TRABD2B: variants seen among roughly 807,000 people sequenced by gnomAD.
TRABD2B encodes TraB domain containing 2B.
TRABD2B carries 14 observed loss-of-function variants against 40.1 expected under a neutral mutation model. The ratio of observed to expected loss-of-function variants is 0.35; its 90% CI spans 0.23 to 0.55. The LOEUF is 0.55. Ranked by LOEUF, TRABD2B falls within the 20% of genes least tolerant of loss-of-function variation. The probability of loss-of-function intolerance (pLI) is 0.90; values close to 1 mark genes in which losing one functional copy is unlikely to be tolerated. For synonymous variants in TRABD2B, 263 were observed against 277.0 expected (o/e 0.95, Z 0.50); for missense variants, 541 against 648.6 (o/e 0.83, Z 1.80).
chr1:47,957,424 G>C (rs1645440732), intron 2 of TRABD2B, among the ~76,000 whole-genome samples: 1 of 152,150 alleles, frequency 6.6e-6, no homozygotes, highest in Non-Finnish European at 1.5e-5. Flanking sequence ...CCGAGCTAAA[G>C]GAGGATGATT....
rs191148440 is a variant in TRABD2B, at chr1:47,810,587, G to C, written c.667-8968C>G. 1.0e-3 allele frequency among the ~76,000 whole-genome samples: 158 copies of C among 152,326 alleles called. 1 individual carries two copies. The highest frequency in any genetic ancestry group is 3.6e-3 in the African/African-American group (151 of 41,568). On this transcript the variant is annotated intron_variant, in intron 2 of 6. Transcript: ENST00000606738. Reference sequence around the variant, plus strand: ...AGGCGACGGACCTGTGTTAGGCAGGGACCCAACAGCAACCAGGTGGCACAC... The same window carrying C: ...AGGCGACGGACCTGTGTTAGGCAGGCACCCAACAGCAACCAGGTGGCACAC...
chr1:47,972,696 T>A (rs1645698778), intron 2 of TRABD2B, among the ~76,000 whole-genome samples: 1 of 152,216 alleles, frequency 6.6e-6, no homozygotes, highest in Non-Finnish European at 1.5e-5. Flanking sequence ...TGGTACTTTG[T>A]TACAGCAGCC....
intron 6 of TRABD2B, among the ~76,000 whole-genome samples, chr1:47,772,675 C>T (rs1266672910): frequency 6.6e-6 from 1 of 152,096 alleles, no homozygotes; most frequent in Non-Finnish European, 1.5e-5. Flanking sequence ...TATCAGTGGG[C>T]CCCAGGTCAC....
At chr1:47,853,935 G>T (rs187302074) in intron 2 of TRABD2B, among the ~76,000 whole-genome samples, 2 of 152,296 alleles carry the variant, frequency 1.3e-5, no homozygotes, top group East Asian at 1.9e-4. Flanking sequence ...GGCTCCCACT[G>T]CCTGCAGCAG....
At chr1:47,895,747 G>T (rs1457669679) in intron 2 of TRABD2B, among the ~76,000 whole-genome samples, 2 of 152,254 alleles carry the variant, frequency 1.3e-5, no homozygotes, top group African/African-American at 4.8e-5. Context: ...GCCCTTGGGT[G>T]ATCCTCTGGG....
chr1:47,796,613 T>C (rs1338317218), intron 3 of TRABD2B, among the ~76,000 whole-genome samples: 1 of 152,168 alleles, frequency 6.6e-6, no homozygotes, highest in Non-Finnish European at 1.5e-5. Flanking sequence ...GAGGTAAAGG[T>C]ACATGCACCA....
At chr1:47,873,071 G>A (rs57946153) in intron 2 of TRABD2B, among the ~76,000 whole-genome samples, 2 of 152,110 alleles carry the variant, frequency 1.3e-5, no homozygotes, top group Non-Finnish European at 2.9e-5. Context: ...TGGTGGAAGG[G>A]GCTAGCTAGC....
chr1:47,946,840 CTG>C (rs1645265978), intron 2 of TRABD2B, among the ~76,000 whole-genome samples: 1 of 151,960 alleles, frequency 6.6e-6, no homozygotes, highest in Non-Finnish European at 1.5e-5. Context: ...TCTTTTTCAT[CTG>C]TGTTACTAGT....
rs541055067 is a variant in TRABD2B at position 47,846,899 on chromosome 1, T to C, written c.667-45280A>G. Among the ~76,000 whole-genome samples, 647 of 73,018 alleles carry C rather than the reference T, an allele frequency of 8.9e-3. 7 individuals are homozygous for C. Among genetic ancestry groups the C allele is most frequent in the African/African-American group, 0.03 (635 of 21,472 alleles). 47.9% of individuals were successfully genotyped at this position (73,018 alleles called of 152,430 possible). A position where few individuals can be genotyped will look rare whatever the true frequency, so the allele number is the denominator to read the frequency against. ...ACACACACACACACACACACACAAA[T>C]GAGGGCTGGGTGCCCTCTGACCCTC... is the stretch of plus-strand genomic sequence containing the variant. On this transcript the variant is annotated intron_variant, in intron 2 of 6. Coordinates refer to ENST00000606738, the MANE Select transcript of TRABD2B (RefSeq NM_001194986.2).
chr1:47,876,970 T>G (rs1570185399), intron 2 of TRABD2B, among the ~76,000 whole-genome samples: 1 of 152,274 alleles, frequency 6.6e-6, no homozygotes, highest in Non-Finnish European at 1.5e-5. Context: ...TAGTAAGTCA[T>G]GCATGGCCCC....
At chr1:47,990,599 T>C (rs1177334268) in intron 2 of TRABD2B, among the ~76,000 whole-genome samples, 1 of 150,902 alleles carries the variant, frequency 6.6e-6, no homozygotes, top group Non-Finnish European at 1.5e-5. Flanking sequence ...AAAACCAACA[T>C]CCAAGTAGTC....
chr1:47,833,145 T>C (rs1466148476), intron 2 of TRABD2B, among the ~76,000 whole-genome samples: 1 of 152,226 alleles, frequency 6.6e-6, no homozygotes, highest in Non-Finnish European at 1.5e-5. Context: ...AATGATGTAG[T>C]CAGCACTGAT....
intron 2 of TRABD2B, among the ~76,000 whole-genome samples, chr1:47,805,642 C>T (rs766485581): frequency 6.6e-6 from 1 of 152,204 alleles, no homozygotes; most frequent in African/African-American, 2.4e-5. Flanking sequence ...CTTTCCCTTA[C>T]ACCTCCTGCC....
chr1:47,774,726 T>C (rs1208853032), intron 6 of TRABD2B, among the ~76,000 whole-genome samples: 1 of 152,236 alleles, frequency 6.6e-6, no homozygotes, highest in Non-Finnish European at 1.5e-5. Flanking sequence ...ATCTCTCTCT[T>C]AGAGCACGGT....
chr1:47,975,005 G>A (rs770374500), intron 2 of TRABD2B, among the ~76,000 whole-genome samples: 4 of 152,104 alleles, frequency 2.6e-5, no homozygotes, highest in Non-Finnish European at 5.9e-5. Flanking sequence ...CAAGGTCATC[G>A]AAAACAAGGA....
chr1:47,866,924 A>G (rs565888964), intron 2 of TRABD2B, among the ~76,000 whole-genome samples: 1 of 152,310 alleles, frequency 6.6e-6, no homozygotes, highest in African/African-American at 2.4e-5. Flanking sequence ...CAAAGCTGCA[A>G]CCAGCTAGAC....
At chr1:47,923,257 G>A (rs1260214244) in intron 2 of TRABD2B, among the ~76,000 whole-genome samples, 1 of 152,230 alleles carries the variant, frequency 6.6e-6, no homozygotes, top group Non-Finnish European at 1.5e-5. Context: ...CCTTCTCTGA[G>A]GGATTCATCA....
intron 2 of TRABD2B, among the ~76,000 whole-genome samples, chr1:47,886,871 T>A (rs1644378166): frequency 6.6e-6 from 1 of 152,122 alleles, no homozygotes; most frequent in Admixed American, 6.5e-5. Context: ...TCTGACAGGT[T>A]TCTAATGTGT....
intron 2 of TRABD2B, among the ~76,000 whole-genome samples, chr1:47,989,864 G>C (rs1361595209): frequency 6.6e-6 from 1 of 152,136 alleles, no homozygotes; most frequent in Non-Finnish European, 1.5e-5. Flanking sequence ...TGTGGTAATG[G>C]ACTCACCTGA....
Sources: allele counts gnomAD v4.1 joint callset (sites outside exome capture counted in the v4.1 genomes callset), GRCh38; gene constraint gnomAD v4.1.1; transcripts MANE v1.5; gene names NCBI Gene and HGNC (gene_info 2026-07-23, HGNC 2026-07-21).